L3MBTL4: variants seen among roughly 807,000 people sequenced by gnomAD.
L3MBTL4 encodes L3MBTL histone methyl-lysine binding protein 4, also known as lethal(3)malignant brain tumor-like protein 4.
Under a neutral mutation model 84.5 loss-of-function variants are expected in L3MBTL4, and 70 were observed. The observed-to-expected ratio is 0.83, with a 90% confidence interval of 0.68 to 1.01. L3MBTL4 has a LOEUF of 1.01. Among genes scored for constraint, L3MBTL4 ranks in the 50% least tolerant of loss-of-function variants. L3MBTL4 has a pLI of 0.00. For missense variants in L3MBTL4, 715 were observed against 754.8 expected, an observed-to-expected ratio of 0.95 and a Z score of 0.62; for synonymous variants, 274 against 259.8, an observed-to-expected ratio of 1.05 and a Z score of -0.52.
intron 16 of L3MBTL4, chr18:6,046,816 T>C: frequency 1.3e-6 from 1 of 747,850 alleles, no homozygotes; most frequent in Non-Finnish European, 2.5e-6. Flanking sequence ...GATCTCAAAC[T>C]AACAATCTAA....
rs775660759 is a variant in L3MBTL4 at position 6,045,404 on chromosome 18, C to T, written c.1444+35477G>A. ...AGGAAGGTGTATTAATCTGTTTTCA[C>T]GTGGCTGATAAGGACATACCTGAGA... On this transcript the variant is annotated intron_variant, in intron 16 of 18. Transcript: ENST00000317931. Among the ~76,000 whole-genome samples the T allele has an allele frequency of 9.9e-5, 15 of 152,148 alleles. 1 individual carries two copies. In the South Asian group the frequency reaches 2.1e-3, roughly 21 times the overall value.
At chr18:6,397,069 C>T (rs1428988546) in intron 1 of L3MBTL4, 1 of 152,088 alleles carries the variant, frequency 6.6e-6, no homozygotes, top group Non-Finnish European at 1.5e-5. Flanking sequence ...AATATACACA[C>T]TAAGATGAAA....
intron 3 of L3MBTL4, among the ~76,000 whole-genome samples, chr18:6,303,178 T>A (rs1037037648): frequency 7.9e-5 from 12 of 152,076 alleles, no homozygotes; most frequent in Admixed American, 5.9e-4. Context: ...CAGGCTGTAG[T>A]TCAGTGGCAC....
At chr18:6,069,907 A>G (rs1598630395) in intron 16 of L3MBTL4, among the ~76,000 whole-genome samples, 1 of 152,258 alleles carries the variant, frequency 6.6e-6, no homozygotes, top group East Asian at 1.9e-4. Flanking sequence ...TAAGAAATAA[A>G]CAATAATTTA....
intron 4 of L3MBTL4, among the ~76,000 whole-genome samples, chr18:6,295,766 T>C (rs991603099): frequency 6.6e-6 from 1 of 152,094 alleles, no homozygotes; most frequent in African/African-American, 2.4e-5. Flanking sequence ...GAAATATAAT[T>C]CTTTAGGTTC....
At chr18:6,341,955 A>G (rs2052628470) in intron 1 of L3MBTL4, among the ~76,000 whole-genome samples, 3 of 152,172 alleles carry the variant, frequency 2.0e-5, no homozygotes, top group Non-Finnish European at 4.4e-5. Flanking sequence ...ATCAGCAGAA[A>G]CCTTGCAGTT....
At chr18:6,407,522 A>G (rs1252479514) in intron 1 of L3MBTL4, among the ~76,000 whole-genome samples, 3 of 152,352 alleles carry the variant, frequency 2.0e-5, no homozygotes, top group Non-Finnish European at 4.4e-5. Context: ...AAAGGCTATA[A>G]TGATAGAGAA....
intron 13 of L3MBTL4, among the ~76,000 whole-genome samples, chr18:6,140,244 G>A (rs1233709952): frequency 2.0e-5 from 3 of 152,138 alleles, no homozygotes; most frequent in Admixed American, 6.5e-5. Context: ...CTTCTGAGGG[G>A]CCATAACCCA....
intron 1 of L3MBTL4, chr18:6,396,197 T>A (rs1002411396): frequency 6.6e-6 from 1 of 152,240 alleles, no homozygotes; most frequent in African/African-American, 2.4e-5. Context: ...TTATAAAGAT[T>A]AAATCATTCT....
intron 16 of L3MBTL4, among the ~76,000 whole-genome samples, chr18:5,990,770 GGTGT>G (rs34551806): frequency 0.015 from 2,089 of 142,230 alleles, 82 homozygotes; most frequent in East Asian, 0.15. Flanking sequence ...GGTTCATGTG[GGTGT>G]GTGTGTGTGT....
At chr18:6,176,893 C>T (rs142557610) in intron 12 of L3MBTL4, among the ~76,000 whole-genome samples, 26 of 152,220 alleles carry the variant, frequency 1.7e-4, no homozygotes, top group Non-Finnish European at 3.7e-4. Flanking sequence ...AAACTTTTAA[C>T]ATCTCAATAT....
chr18:6,322,229 A>G (rs1300909245), intron 1 of L3MBTL4, among the ~76,000 whole-genome samples: 1 of 151,728 alleles, frequency 6.6e-6, no homozygotes, highest in Non-Finnish European at 1.5e-5. Context: ...ATGGCAGCAC[A>G]TGAGATGCTG....
chr18:6,272,389 AC>A, intron 4 of L3MBTL4, among the ~76,000 whole-genome samples: 1 of 149,612 alleles, frequency 6.7e-6, no homozygotes, highest in Non-Finnish European at 1.5e-5. Context: ...CTTCAGGAGC[AC>A]GGGGAAAGGG....
chr18:6,103,302 T>G (rs938053245), intron 14 of L3MBTL4, among the ~76,000 whole-genome samples: 3 of 152,208 alleles, frequency 2.0e-5, no homozygotes, highest in African/African-American at 7.2e-5. Context: ...ATGAACTTTT[T>G]TCTTAGTATA....
At chr18:6,389,131 G>C (rs1270121906) in intron 1 of L3MBTL4, among the ~76,000 whole-genome samples, 2 of 152,066 alleles carry the variant, frequency 1.3e-5, no homozygotes, top group East Asian at 3.9e-4. Context: ...AAGGGATTGG[G>C]GTCCTACCTT....
chr18:6,259,244 AG>A (rs2048291528), intron 5 of L3MBTL4: 1 of 152,392 alleles, frequency 6.6e-6, no homozygotes, highest in Admixed American at 6.5e-5. Context: ...GAAACAGAAC[AG>A]GAACAACAAT....
chr18:6,357,814 C>G (rs959696936), intron 1 of L3MBTL4, among the ~76,000 whole-genome samples: 1 of 152,178 alleles, frequency 6.6e-6, no homozygotes, highest in African/African-American at 2.4e-5. Context: ...AATTGTGATA[C>G]AGCTATCACA....
chr18:6,031,784 G>A, intron 16 of L3MBTL4: 12 of 983,884 alleles, frequency 1.2e-5, no homozygotes, highest in Non-Finnish European at 1.4e-5. Context: ...GCAGTCATCT[G>A]GTGACTAAAG....
chr18:6,239,334 C>T (rs1348108922), intron 9 of L3MBTL4, among the ~76,000 whole-genome samples: 1 of 139,002 alleles, frequency 7.2e-6, no homozygotes, highest in Non-Finnish European at 1.5e-5. Context: ...GAGCGAGACT[C>T]CGTCTCAAAA....
Sources: gnomAD v4.1 joint callset for allele counts (sites outside exome capture counted in the v4.1 genomes callset) on GRCh38, gnomAD v4.1.1 for gene constraint, MANE v1.5 for transcripts, NCBI Gene and HGNC (gene_info 2026-07-23, HGNC 2026-07-21) for gene names.